The following C16orf95 variants were observed in gnomAD, a reference collection of about 807,000 sequenced individuals.
C16orf95 encodes chromosome 16 open reading frame 95.
Under a neutral mutation model 32.1 loss-of-function variants are expected in C16orf95, and 41 were observed. That is an observed-to-expected ratio of 1.28 (90% confidence interval 1.00 to 1.66). The LOEUF (loss-of-function observed/expected upper bound fraction) is 1.66. Ranked by LOEUF, C16orf95 falls within the 40% of genes most tolerant of loss-of-function variation. C16orf95 has a pLI of 0.00. For synonymous variants in C16orf95, 147 were observed against 128.9 expected, an observed-to-expected ratio of 1.14 and a Z score of -0.95; for missense variants, 399 against 325.9, an observed-to-expected ratio of 1.22 and a Z score of -1.73.
intron 5 of C16orf95, chr16:87,306,129 G>T (rs966616569): frequency 4.9e-6 from 2 of 409,710 alleles, no homozygotes; most frequent in Non-Finnish European, 4.3e-6. Context: ...TTTTTCAAGA[G>T]GCTTGCTCTT....
chr16:87,303,556 A>T lies in C16orf95; in HGVS notation c.702-481T>A, dbSNP rs114177966. On this transcript the variant is annotated intron_variant, in intron 6 of 6. Coordinates refer to ENST00000567970, the MANE Select transcript of C16orf95 (RefSeq NM_001195124.3). The stretch of plus-strand genomic sequence containing the variant: ...CAGGGCACCCAAACATCCCAGCTGG[A>T]CAAGCTGTGCCCTCCCCTGGGATGC... 3.6e-3 allele frequency: 606 copies of T among 168,190 alleles called. 2 individuals are homozygous for T. Among genetic ancestry groups the T allele is most frequent in the African/African-American group, 0.014 (580 of 42,514 alleles). The allele number at this position is 168,190 out of a possible 1,614,324, so 10.4% of individuals were successfully genotyped here.
intron 1 of C16orf95, 121 bp downstream of exon 1, chr16:87,316,970 T>G: frequency 1.5e-4 from 206 of 1,370,170 alleles, no homozygotes; most frequent in Middle Eastern, 2.6e-4. Context: ...CCAATGTAAG[T>G]GAGGTTCCTG....
intron 1 of C16orf95, 123 bp from the exon 2 acceptor site, chr16:87,315,946 G>A: frequency 1.9e-6 from 1 of 531,540 alleles, no homozygotes; most frequent in Non-Finnish European, 3.1e-6. Flanking sequence ...GGGTGGTGGG[G>A]ATGGGGGGAT....
rs1166666066 is a variant in C16orf95 at position 87,302,984 on chromosome 16, T to C, written c.*73A>G. The C allele has an allele frequency of 8.2e-6, 12 of 1,457,098 alleles. No homozygotes were observed. The highest frequency in any genetic ancestry group is 4.9e-5 in the East Asian group (2 of 40,546). 90.3% of individuals were successfully genotyped at this position (1,457,098 alleles called of 1,614,324 possible). ...GCGACTGTCACAGACGCCTCCTGAT[T>C]GGTGGACTCTCAAAGATCTTGATCG... On this transcript the variant is annotated 3_prime_UTR_variant, in exon 7 of 7. Coordinates refer to ENST00000567970, the MANE Select transcript of C16orf95 (RefSeq NM_001195124.3).
chr16:87,313,105 T>G (rs986786635), intron 3 of C16orf95, among the ~76,000 whole-genome samples: 3 of 151,792 alleles, frequency 2.0e-5, no homozygotes, highest in African/African-American at 4.8e-5. Context: ...TTCAAACTGA[T>G]CTACAAAGCC....
rs1567602895 is a variant in C16orf95, at chr16:87,305,915, G to C, written c.515-10C>G. ...GCATCCAGCAGGGGTGCTAGGCAAA[G>C]AAAAGGTGGGTTGAGGACAGGGCGT... On this transcript the variant is annotated splice_polypyrimidine_tract_variant and intron_variant, in intron 5 of 6. Coordinates refer to ENST00000567970, the MANE Select transcript of C16orf95 (RefSeq NM_001195124.3). The surrounding 1 kb of genome is among the most constrained non-coding windows in gnomAD (Gnocchi z 4.2). 5 of 1,410,010 alleles carry C rather than the reference G, an allele frequency of 3.5e-6. No individual in the cohort carries two copies. Among genetic ancestry groups the C allele is most frequent in the Non-Finnish European group, 4.6e-6 (5 of 1,086,344 alleles). 87.3% of individuals were successfully genotyped at this position (1,410,010 alleles called of 1,614,324 possible).
chr16:87,317,082 C>G lies in C16orf95; in HGVS notation c.152+9G>C, dbSNP rs1283185278. 6.6e-7 allele frequency: 1 copy of G among 1,514,716 alleles called. No individual in the cohort carries two copies. Among genetic ancestry groups the G allele is most frequent in the East Asian group, 2.5e-5 (1 of 40,094 alleles). The allele number at this position is 1,514,716 out of a possible 1,614,324, so 93.8% of individuals were successfully genotyped here. ...GGGTAGCCGCGGGCAGGATTCAGGA[C>G]TCACTTGCCTGCCATCCTGCGCGCT... is the stretch of plus-strand genomic sequence containing the variant. On this transcript the variant is annotated intron_variant, in intron 1 of 6. Transcript: ENST00000567970.
chr16:87,314,331 A>C (rs1490519217), intron 3 of C16orf95, among the ~76,000 whole-genome samples: 12 of 152,242 alleles, frequency 7.9e-5, no homozygotes. Flanking sequence ...CTCAATAATA[A>C]AAAGAATGAC....
intron 1 of C16orf95, 45 bp from the exon 2 acceptor site, chr16:87,315,868 G>A (rs1201862672): frequency 4.8e-6 from 7 of 1,450,688 alleles, no homozygotes; most frequent in African/African-American, 1.4e-5. Flanking sequence ...GTAAACTAGG[G>A]GGCAGGGATG....
chr16:87,312,249 C>G (rs1392271836), intron 3 of C16orf95, among the ~76,000 whole-genome samples: 1 of 152,138 alleles, frequency 6.6e-6, no homozygotes, highest in African/African-American at 2.4e-5. Flanking sequence ...AGTTACAGCT[C>G]TGCACGTAGT....
Position 87,306,061 on chromosome 16 carries a change from G to C in C16orf95, c.515-156C>G, listed in dbSNP as rs143882897. Reference sequence around the variant, plus strand: ...GTGGGGACACTGACCCGGAGCTCACGAGATAAAGGCCGTCTTGCGGGTTTA... The same window carrying C: ...GTGGGGACACTGACCCGGAGCTCACCAGATAAAGGCCGTCTTGCGGGTTTA... On this transcript the variant is annotated intron_variant, in intron 5 of 6. Coordinates refer to ENST00000567970, the MANE Select transcript of C16orf95 (RefSeq NM_001195124.3). The C allele has an allele frequency of 8.8e-3, 4,331 of 493,528 alleles. 35 individuals are homozygous for C. Among genetic ancestry groups the C allele is most frequent in the Non-Finnish European group, 0.012 (3,489 of 293,662 alleles). 30.6% of individuals were successfully genotyped at this position (493,528 alleles called of 1,614,324 possible).
intron 5 of C16orf95, among the ~76,000 whole-genome samples, chr16:87,308,154 G>C (rs1911110232): frequency 1.3e-5 from 2 of 152,166 alleles, no homozygotes; most frequent in African/African-American, 4.8e-5. Context: ...TTTTCTGCTA[G>C]AGCTTTGGCT....
At chr16:87,314,677 T>A (rs766671620) in intron 3 of C16orf95, among the ~76,000 whole-genome samples, 2 of 152,136 alleles carry the variant, frequency 1.3e-5, no homozygotes, top group Non-Finnish European at 2.9e-5. Context: ...CAATCAAACC[T>A]CTAGAAGTCT....
chr16:87,303,060 A>G lies in C16orf95; in HGVS notation c.717T>C (p.Val239=), dbSNP rs183994350. The part of the protein sequence containing the change: ...VIMAIRQCFG[V] The stretch of plus-strand genomic sequence containing the variant: ...ACAGTAGCTGAAGATTCCAACTTCA[A>G]ACCCCAAAACACTGGCTGGAAAGCA... The change falls in exon 7 of 7, where the codon GTT becomes GTC. Residue 239 remains valine (V), a synonymous_variant. Coordinates refer to ENST00000567970, the MANE Select transcript of C16orf95 (RefSeq NM_001195124.3). The G allele has an allele frequency of 4.1e-4, 627 of 1,536,122 alleles. No homozygotes were observed. The African/African-American group carries it at 6.4e-3, about 16-fold the overall frequency.
Position 87,302,892 on chromosome 16 carries a change from C to T in C16orf95, c.*165G>A, listed in dbSNP as rs1032301367. The T allele has an allele frequency of 2.5e-5, 18 of 715,886 alleles. No homozygotes were observed. Among genetic ancestry groups the T allele is most frequent in the Middle Eastern group, 2.5e-4 (1 of 3,958 alleles). The allele number at this position is 715,886 out of a possible 1,614,324, so 44.3% of individuals were successfully genotyped here. A position where few individuals can be genotyped will look rare whatever the true frequency, so the allele number is the denominator to read the frequency against. On this transcript the variant is annotated 3_prime_UTR_variant, in exon 7 of 7. Transcript: ENST00000567970. ...CACATTCACATGAACTTTGCTACAA[C>T]CAAGAATCACCTGATGAGAAATCAT...
intron 5 of C16orf95, among the ~76,000 whole-genome samples, chr16:87,308,204 C>T (rs866357016): frequency 5.9e-5 from 9 of 152,064 alleles, no homozygotes; most frequent in South Asian, 2.1e-4. Context: ...AGGTGTTGGC[C>T]GGGCACAGTG....
chr16:87,317,003 C>A, intron 1 of C16orf95, 88 bp downstream of exon 1: 1 of 1,407,180 alleles, frequency 7.1e-7, no homozygotes, highest in Non-Finnish European at 9.2e-7. Flanking sequence ...AAGAGTTCTG[C>A]CTGTGCATAG....
chr16:87,307,680 C>A (rs1242460554), intron 5 of C16orf95, among the ~76,000 whole-genome samples: 2 of 152,184 alleles, frequency 1.3e-5, no homozygotes, highest in African/African-American at 4.8e-5. Flanking sequence ...ATTGCTTGAA[C>A]CCAGGAGGCA....
Position 87,305,679 on chromosome 16 carries a change from G to C in C16orf95, c.701+40C>G, listed in dbSNP as rs1478775791. ...GCCTCCCTCAGGTGGACGTCACCAT[G>C]CCAGGGCCACCCACTGTCCCCCATC... is the stretch of plus-strand genomic sequence containing the variant. On this transcript the variant is annotated intron_variant, in intron 6 of 6. Transcript: ENST00000567970. The surrounding 1 kb of genome is among the most constrained non-coding windows in gnomAD (Gnocchi z 4.2). 6.9e-7 allele frequency: 1 copy of C among 1,455,752 alleles called. No individual in the cohort carries two copies. Among genetic ancestry groups the C allele is most frequent in the Non-Finnish European group, 9.0e-7 (1 of 1,106,640 alleles). 90.2% of individuals were successfully genotyped at this position (1,455,752 alleles called of 1,614,324 possible). A position where few individuals can be genotyped will look rare whatever the true frequency, so the allele number is the denominator to read the frequency against.
Sources: allele counts gnomAD v4.1 joint callset (sites outside exome capture counted in the v4.1 genomes callset), GRCh38; gene constraint gnomAD v4.1.1; non-coding constraint Gnocchi (gnomAD v3.1); transcripts MANE v1.5; gene names NCBI Gene and HGNC (gene_info 2026-07-23, HGNC 2026-07-21).